The following NUP205 variants were observed in gnomAD, a reference collection of about 807,000 sequenced individuals.
The protein encoded by NUP205 is nuclear pore complex protein Nup205.
In NUP205, 76 loss-of-function variants were observed where a neutral mutation model predicts 253.8. The observed-to-expected ratio is 0.30, with a 90% CI of 0.25 to 0.36. The LOEUF (loss-of-function observed/expected upper bound fraction) is 0.36. Among genes scored for constraint, NUP205 ranks in the 10% least tolerant of loss-of-function variants. NUP205 has a pLI of 1.00. For missense variants in NUP205, 2,162 were observed against 2,425.5 expected, an observed-to-expected ratio of 0.89 and a Z score of 2.28; for synonymous variants, 832 against 850.1, an observed-to-expected ratio of 0.98 and a Z score of 0.37.
At chr7:135,583,359 A>G (rs1806362337) in intron 7 of NUP205, among the ~76,000 whole-genome samples, 1 of 152,190 alleles carries the variant, frequency 6.6e-6, no homozygotes, top group Non-Finnish European at 1.5e-5. Context: ...TTCTTGATGG[A>G]AAGATACACC....
chr7:135,608,764 G>C (rs1050860768), intron 22 of NUP205, among the ~76,000 whole-genome samples: 1 of 151,928 alleles, frequency 6.6e-6, no homozygotes, highest in South Asian at 2.1e-4. Flanking sequence ...AATTTCGCTT[G>C]TTCACTTTTG....
chr7:135,638,450 T>C (rs1794858850), intron 37 of NUP205, 107 bp from the exon 38 acceptor site: 1 of 959,646 alleles, frequency 1.0e-6, no homozygotes, highest in Non-Finnish European at 1.6e-6. Flanking sequence ...CAGATGTGAG[T>C]CATTTTACAA....
intron 35 of NUP205, among the ~76,000 whole-genome samples, chr7:135,631,569 T>C (rs1794713943): frequency 6.6e-6 from 1 of 152,224 alleles, no homozygotes; most frequent in African/African-American, 2.4e-5. Context: ...ATTTTAACCT[T>C]GTCAGGTTTT....
At chr7:135,629,050 C>G (rs1794651833) in intron 34 of NUP205, among the ~76,000 whole-genome samples, 1 of 152,188 alleles carries the variant, frequency 6.6e-6, no homozygotes, top group Admixed American at 6.5e-5. Flanking sequence ...TTGACTGAAG[C>G]AGAATCACCT....
intron 13 of NUP205, among the ~76,000 whole-genome samples, chr7:135,597,087 A>C (rs930715784): frequency 2.0e-5 from 3 of 152,166 alleles, no homozygotes; most frequent in African/African-American, 7.2e-5. Context: ...CTTTTTAAAG[A>C]TTCATTTCCT....
At chr7:135,588,310 T>A (rs1319094810) in intron 10 of NUP205, among the ~76,000 whole-genome samples, 3 of 150,518 alleles carry the variant, frequency 2.0e-5, no homozygotes, top group African/African-American at 7.3e-5. Flanking sequence ...CCGGCTAGTT[T>A]TTGTATTTTT....
chr7:135,629,952 T>C (rs1373821800), intron 34 of NUP205, among the ~76,000 whole-genome samples: 3 of 152,248 alleles, frequency 2.0e-5, no homozygotes, highest in Non-Finnish European at 2.9e-5. Flanking sequence ...TAGTCATTTT[T>C]ATACCCATTT....
At chr7:135,642,206 G>C (rs1794926598) in intron 38 of NUP205, among the ~76,000 whole-genome samples, 1 of 149,958 alleles carries the variant, frequency 6.7e-6, no homozygotes, top group Non-Finnish European at 1.5e-5. Flanking sequence ...AGTGAGCCGA[G>C]ATCGAACCAC....
At position 135,643,126 on chromosome 7, in the gene NUP205, G is replaced by C. The variant is rs1246428287; in HGVS notation, c.5393-66G>C. 1.9e-5 allele frequency: 28 copies of C among 1,457,196 alleles called. 2 individuals are homozygous for C. The Admixed American group carries it at 3.2e-4, about 17-fold the overall frequency. The allele number at this position is 1,457,196 out of a possible 1,614,324, so 90.3% of individuals were successfully genotyped here. On this transcript the variant is annotated intron_variant, in intron 38 of 42. Coordinates refer to ENST00000285968, the MANE Select transcript of NUP205 (RefSeq NM_015135.3). ...CTGGGGCATCCCTTGTTTTAAAACA[G>C]GTCATTTGAAATTCATATGAAATGC...
At chr7:135,638,132 T>A in intron 37 of NUP205, 73 bp downstream of exon 37, 1 of 1,500,808 alleles carries the variant, frequency 6.7e-7, no homozygotes, top group Non-Finnish European at 9.0e-7. Flanking sequence ...GATGTGGACC[T>A]GGTGCGGTGG....
At chr7:135,563,268 G>A (rs943057818) in intron 1 of NUP205, among the ~76,000 whole-genome samples, 1 of 151,938 alleles carries the variant, frequency 6.6e-6, no homozygotes, top group African/African-American at 2.4e-5. Context: ...GCTCACTGCA[G>A]CCTCCGCCTC....
chr7:135,560,757 A>G (rs1805560670), intron 1 of NUP205, among the ~76,000 whole-genome samples: 1 of 152,206 alleles, frequency 6.6e-6, no homozygotes, highest in East Asian at 1.9e-4. Context: ...TTCCACTTAT[A>G]TGAGGTATCT....
rs112877293 is a variant in NUP205 at position 135,609,426 on chromosome 7, C to T, written c.3195+2055C>T. ...CCGGGAGGTGGAGCTTGCAGTGAGC[C>T]GAGATCGCGCCACTGCACTCCAGCC... On this transcript the variant is annotated intron_variant, in intron 22 of 42. Coordinates refer to ENST00000285968, the MANE Select transcript of NUP205 (RefSeq NM_015135.3). Among the ~76,000 whole-genome samples the T allele has an allele frequency of 5.6e-3, 843 of 151,420 alleles. 11 individuals carry two copies. Among genetic ancestry groups the T allele is most frequent in the East Asian group, 0.049 (254 of 5,136 alleles).
At chr7:135,621,756 A>G (rs4487699) in intron 30 of NUP205, among the ~76,000 whole-genome samples, 13,632 of 152,058 alleles carry the variant, frequency 0.09, 865 homozygotes, top group African/African-American at 0.17. Flanking sequence ...TTTGGAGGCA[A>G]ATTTTTGTCT....
At position 135,637,923 on chromosome 7, in the gene NUP205, C is replaced by G; in HGVS notation, c.5137-8C>G. 1 of 1,596,566 alleles carries G rather than the reference C, an allele frequency of 6.3e-7. No individual in the cohort carries two copies. The highest frequency in any genetic ancestry group is 1.7e-4 in the Middle Eastern group (1 of 5,964). The stretch of plus-strand genomic sequence containing the variant: ...AATACATTTAACAAGATATCTTTTT[C>G]TTGTTAGCGCCAGTGCTTAGGACTA... On this transcript the variant is annotated splice_polypyrimidine_tract_variant and splice_region_variant and intron_variant, in intron 36 of 42. Coordinates refer to ENST00000285968, the MANE Select transcript of NUP205 (RefSeq NM_015135.3).
intron 38 of NUP205, among the ~76,000 whole-genome samples, chr7:135,642,788 A>G (rs116354778): frequency 0.011 from 1,723 of 152,016 alleles, 23 homozygotes; most frequent in African/African-American, 0.039. Flanking sequence ...AGCAGGAATT[A>G]GTCACTTGGT....
At chr7:135,611,082 T>C (rs1160529505) in intron 22 of NUP205, among the ~76,000 whole-genome samples, 2 of 151,250 alleles carry the variant, frequency 1.3e-5, no homozygotes, top group Non-Finnish European at 2.9e-5. Flanking sequence ...CTCGGCTCAC[T>C]GCAACCTCCA....
chr7:135,621,010 A>G (rs1360641934), intron 30 of NUP205, among the ~76,000 whole-genome samples: 1 of 152,218 alleles, frequency 6.6e-6, no homozygotes, highest in Non-Finnish European at 1.5e-5. Flanking sequence ...CAAGTTATTC[A>G]GAGTTATTCT....
chr7:135,625,037 T>G, intron 31 of NUP205, 127 bp from the exon 32 acceptor site: 1 of 786,480 alleles, frequency 1.3e-6, no homozygotes, highest in Non-Finnish European at 2.0e-6. Context: ...GAAATTTTGT[T>G]GCAAGTAACA....
Sources: gnomAD v4.1 joint callset for allele counts (sites outside exome capture counted in the v4.1 genomes callset) on GRCh38, gnomAD v4.1.1 for gene constraint, MANE v1.5 for transcripts, NCBI Gene and HGNC (gene_info 2026-07-23, HGNC 2026-07-21) for gene names.